Variants in COL26A1 observed in about 807,000 individuals in gnomAD.
COL26A1 encodes the protein collagen type XXVI alpha 1 chain.
COL26A1 carries 41 observed loss-of-function variants against 59.3 expected under a neutral mutation model. The observed-to-expected ratio is 0.69, with a 90% CI of 0.54 to 0.90. The LOEUF (loss-of-function observed/expected upper bound fraction) is 0.90. Ranked by LOEUF, COL26A1 falls within the 40% of genes least tolerant of loss-of-function variation. The pLI is 0.00. For missense variants in COL26A1, 612 were observed against 602.3 expected, an observed-to-expected ratio of 1.02 and a Z score of -0.17; for synonymous variants, 266 against 256.0, an observed-to-expected ratio of 1.04 and a Z score of -0.37.
intron 2 of COL26A1, among the ~76,000 whole-genome samples, chr7:101,433,538 T>G (rs112782075): frequency 1.3e-3 from 193 of 151,944 alleles, no homozygotes; most frequent in African/African-American, 4.5e-3. Flanking sequence ...AGACACCCCA[T>G]AGGATGAGGG....
At chr7:101,383,179 T>C (rs1210630263) in intron 1 of COL26A1, among the ~76,000 whole-genome samples, 2 of 152,146 alleles carry the variant, frequency 1.3e-5, no homozygotes, top group Non-Finnish European at 2.9e-5. Flanking sequence ...AAAGGACTCT[T>C]TTGTTCCTTG....
intron 1 of COL26A1, among the ~76,000 whole-genome samples, chr7:101,375,340 C>T (rs990487339): frequency 6.6e-5 from 9 of 137,312 alleles, no homozygotes; most frequent in African/African-American, 2.0e-4. Context: ...AGGCTTCTCT[C>T]AGATGGTGTA....
At chr7:101,389,607 G>A (rs1356067533) in intron 1 of COL26A1, among the ~76,000 whole-genome samples, 1 of 151,840 alleles carries the variant, frequency 6.6e-6, no homozygotes, top group Non-Finnish European at 1.5e-5. Flanking sequence ...CCAGGCTGGA[G>A]TGCAATGGCG....
intron 1 of COL26A1, among the ~76,000 whole-genome samples, chr7:101,379,663 C>T (rs1791399875): frequency 6.6e-6 from 1 of 152,058 alleles, no homozygotes. Context: ...AGTCACAGGG[C>T]GAGATAGGAG....
chr7:101,526,473 G>A (rs1795250609), intron 3 of COL26A1, among the ~76,000 whole-genome samples: 1 of 152,160 alleles, frequency 6.6e-6, no homozygotes, highest in East Asian at 1.9e-4. Flanking sequence ...GAGGGAGCTG[G>A]GCCTCTGGGG....
In COL26A1 at chr7:101,508,517, C is replaced by CA. The variant is rs58872805; in HGVS notation, c.386-24551dup. Among the ~76,000 whole-genome samples the CA allele has an allele frequency of 3.1e-3, 391 of 127,574 alleles. 2 individuals are homozygous for CA. Among genetic ancestry groups the CA allele is most frequent in the Middle Eastern group, 0.016 (4 of 250 alleles). 83.7% of individuals were successfully genotyped at this position (127,574 alleles called of 152,430 possible). On this transcript the variant is annotated intron_variant, in intron 3 of 12. Transcript: ENST00000313669. ...CTGAACAACAGAGATAAAACCCTGT[C>CA]AAAAAAAAAAAAAAGATGATGGTCT... is the stretch of plus-strand genomic sequence containing the variant.
At chr7:101,471,268 C>T (rs1056596550) in intron 3 of COL26A1, among the ~76,000 whole-genome samples, 6 of 152,222 alleles carry the variant, frequency 3.9e-5, no homozygotes, top group African/African-American at 1.4e-4. Flanking sequence ...CATGGCTGAG[C>T]AATGGCAGAG....
intron 3 of COL26A1, among the ~76,000 whole-genome samples, chr7:101,512,111 G>A (rs550250211): frequency 6.6e-6 from 1 of 152,348 alleles, no homozygotes; most frequent in Non-Finnish European, 1.5e-5. Context: ...CGCTGCTGGT[G>A]CTGTGGTCAC....
chr7:101,476,370 T>C (rs944780838), intron 3 of COL26A1, among the ~76,000 whole-genome samples: 1 of 152,166 alleles, frequency 6.6e-6, no homozygotes, highest in Non-Finnish European at 1.5e-5. Context: ...AATGTAGTTA[T>C]AGATCTAATT....
intron 7 of COL26A1, among the ~76,000 whole-genome samples, chr7:101,546,621 C>T (rs1044917391): frequency 3.4e-4 from 51 of 152,226 alleles, no homozygotes; most frequent in African/African-American, 1.2e-3. Context: ...CCCTGGGGCC[C>T]TGGGTCTGGT....
chr7:101,436,573 G>T (rs1584406111), intron 2 of COL26A1, among the ~76,000 whole-genome samples: 1 of 152,076 alleles, frequency 6.6e-6, no homozygotes, highest in East Asian at 1.9e-4. Flanking sequence ...TCCCTGGATG[G>T]TGCAATGTCC....
intron 1 of COL26A1, among the ~76,000 whole-genome samples, chr7:101,401,834 C>T (rs1035620813): frequency 6.6e-6 from 1 of 151,978 alleles, no homozygotes; most frequent in East Asian, 1.9e-4. Context: ...CCAACTGGGC[C>T]CCAACCCAGG....
chr7:101,475,773 TTTCTTTCTTTCTTTCC>T (rs987650550), intron 3 of COL26A1, among the ~76,000 whole-genome samples: 9 of 92,550 alleles, frequency 9.7e-5, no homozygotes, highest in African/African-American at 8.1e-4. Context: ...TTTCTCTTTC[TTTCTTTCTTTCTTTCC>T]TTCCTTCCTT....
At chr7:101,557,274 C>T (rs1390719113) in intron 12 of COL26A1, 96 bp from the exon 13 acceptor site, 1 of 1,303,282 alleles carries the variant, frequency 7.7e-7, no homozygotes, top group Non-Finnish European at 1.0e-6. Context: ...CCACGCTGGG[C>T]AAGAGCATCT....
intron 1 of COL26A1, among the ~76,000 whole-genome samples, chr7:101,402,585 T>C (rs1399198412): frequency 6.6e-6 from 1 of 151,780 alleles, no homozygotes; most frequent in Non-Finnish European, 1.5e-5. Flanking sequence ...CCTTCATTCT[T>C]TTTTCTTCCT....
At chr7:101,549,612 C>T (rs1184258879) in intron 9 of COL26A1, among the ~76,000 whole-genome samples, 4 of 152,158 alleles carry the variant, frequency 2.6e-5, no homozygotes, top group African/African-American at 9.7e-5. Context: ...GAACATCCGA[C>T]CTCAAGTAAT....
chr7:101,493,586 A>G (rs567189108), intron 3 of COL26A1, among the ~76,000 whole-genome samples: 1 of 152,210 alleles, frequency 6.6e-6, no homozygotes, highest in South Asian at 2.1e-4. Context: ...TATGAGGATT[A>G]TCAATGACCA....
At chr7:101,390,976 C>T (rs1262044914) in intron 1 of COL26A1, among the ~76,000 whole-genome samples, 1 of 152,310 alleles carries the variant, frequency 6.6e-6, no homozygotes, top group East Asian at 1.9e-4. Context: ...CTCTCTAGGT[C>T]TACTCTTTGG....
intron 3 of COL26A1, among the ~76,000 whole-genome samples, chr7:101,452,494 G>T (rs142611063): frequency 6.6e-6 from 1 of 152,116 alleles, no homozygotes; most frequent in Non-Finnish European, 1.5e-5. Flanking sequence ...ACAGTCATGC[G>T]TGGCTTAATG....
Sources: allele counts gnomAD v4.1 joint callset (sites outside exome capture counted in the v4.1 genomes callset), GRCh38; gene constraint gnomAD v4.1.1; transcripts MANE v1.5; gene names NCBI Gene and HGNC (gene_info 2026-07-23, HGNC 2026-07-21).